Variants in SUPT3H observed in about 807,000 individuals in gnomAD.
SUPT3H encodes transcription initiation protein SPT3 homolog.
Under a neutral mutation model 44.3 loss-of-function variants are expected in SUPT3H, and 44 were observed. That is an observed-to-expected ratio of 0.99 (90% CI 0.78 to 1.28). The LOEUF (loss-of-function observed/expected upper bound fraction) is 1.28, where lower values mean the gene tolerates loss of function less well. SUPT3H is among the 50% of genes most tolerant of loss of function. SUPT3H has a pLI of 0.00. For missense variants in SUPT3H, 380 were observed against 387.1 expected, an observed-to-expected ratio of 0.98 and a Z score of 0.15; for synonymous variants, 124 against 125.6, an observed-to-expected ratio of 0.99 and a Z score of 0.09.
intron 2 of SUPT3H, among the ~76,000 whole-genome samples, chr6:45,158,298 A>ATATATATATATATATATATAATTT: frequency 1.0e-5 from 1 of 99,688 alleles, no homozygotes; most frequent in African/African-American, 5.0e-5. Context: ...ATATATATAT[A>ATATATATATATATATATATAATTT]TTTTTTTTTT....
intron 2 of SUPT3H, among the ~76,000 whole-genome samples, chr6:45,223,793 G>A (rs1766454362): frequency 6.6e-6 from 1 of 151,330 alleles, no homozygotes; most frequent in African/African-American, 2.4e-5. Context: ...GCAAATATAA[G>A]TATAATCAAA....
intron 6 of SUPT3H, among the ~76,000 whole-genome samples, chr6:44,970,324 T>C (rs1033474936): frequency 1.3e-5 from 2 of 152,172 alleles, no homozygotes; most frequent in Non-Finnish European, 2.9e-5. Flanking sequence ...ATAAAATGTG[T>C]GTTAAGAAAA....
intron 6 of SUPT3H, among the ~76,000 whole-genome samples, chr6:44,993,540 T>C (rs1214483945): frequency 6.6e-6 from 1 of 152,100 alleles, no homozygotes; most frequent in Non-Finnish European, 1.5e-5. Context: ...GCTATAGCTA[T>C]GGGTAAAATG....
At chr6:45,365,399 G>C in intron 1 of SUPT3H, 98 bp from the exon 2 acceptor site, 1 of 769,212 alleles carries the variant, frequency 1.3e-6, no homozygotes, top group Non-Finnish European at 2.1e-6. Context: ...AAAAAGTAGA[G>C]AAAATTTAAA....
chr6:45,098,789 T>C (rs1326668067), intron 3 of SUPT3H: 2 of 518,264 alleles, frequency 3.9e-6, no homozygotes, highest in African/African-American at 1.9e-5. Context: ...TGCAGATTGA[T>C]TACTGTTGTT....
intron 2 of SUPT3H, among the ~76,000 whole-genome samples, chr6:45,308,430 G>C (rs1335741654): frequency 6.6e-6 from 1 of 152,144 alleles, no homozygotes; most frequent in Admixed American, 6.5e-5. Flanking sequence ...GAAGAGAGTG[G>C]GGGCCAATAT....
chr6:45,001,194 G>A (rs184407651), intron 6 of SUPT3H, among the ~76,000 whole-genome samples: 16 of 152,178 alleles, frequency 1.1e-4, no homozygotes, highest in African/African-American at 3.8e-4. Context: ...TTAGGATGGA[G>A]GTGGGTGGGG....
intron 10 of SUPT3H, among the ~76,000 whole-genome samples, chr6:44,889,902 C>T (rs1335287781): frequency 6.6e-6 from 1 of 151,818 alleles, no homozygotes; most frequent in African/African-American, 2.4e-5. Context: ...CAATGAACTC[C>T]AACAAATTTA....
At chr6:44,811,871 T>C (rs942304036) in intron 11 of SUPT3H, among the ~76,000 whole-genome samples, 2 of 152,224 alleles carry the variant, frequency 1.3e-5, no homozygotes, top group East Asian at 3.9e-4. Context: ...TTTTTTTTTT[T>C]TTCTCTGATC....
At chr6:45,208,936 T>C (rs1763649978) in intron 2 of SUPT3H, among the ~76,000 whole-genome samples, 1 of 151,514 alleles carries the variant, frequency 6.6e-6, no homozygotes, top group South Asian at 2.1e-4. Context: ...TTGAAGCCAG[T>C]GTTCATTTAC....
chr6:45,072,515 T>C (rs1371397981), intron 3 of SUPT3H, among the ~76,000 whole-genome samples: 1 of 152,272 alleles, frequency 6.6e-6, no homozygotes, highest in East Asian at 1.9e-4. Flanking sequence ...AAACTAGACC[T>C]TGGCTTCAGA....
chr6:45,109,532 T>A (rs1038761930), intron 2 of SUPT3H, among the ~76,000 whole-genome samples: 1 of 3,096 alleles, frequency 3.2e-4, no homozygotes, highest in South Asian at 9.8e-3. Context: ...GAGCATACAC[T>A]GTAAAGTAAG....
intron 3 of SUPT3H, among the ~76,000 whole-genome samples, chr6:45,078,957 C>T (rs952433066): frequency 5.3e-5 from 8 of 152,154 alleles, no homozygotes; most frequent in African/African-American, 1.7e-4. Flanking sequence ...GACATTTGTG[C>T]TTTCTTGATC....
At chr6:44,872,625 C>G (rs1188851208) in intron 10 of SUPT3H, among the ~76,000 whole-genome samples, 1 of 146,060 alleles carries the variant, frequency 6.8e-6, no homozygotes, top group Non-Finnish European at 1.5e-5. Flanking sequence ...ATCATAATGA[C>G]AGGATCAAAT....
chr6:45,099,128 A>C, intron 3 of SUPT3H: 1 of 331,360 alleles, frequency 3.0e-6, no homozygotes, highest in Non-Finnish European at 6.0e-6. Flanking sequence ...CACACCCCCA[A>C]CCCCAGGATT....
At chr6:44,893,775 T>A (rs1304008056) in intron 10 of SUPT3H, among the ~76,000 whole-genome samples, 3 of 144,304 alleles carry the variant, frequency 2.1e-5, no homozygotes, top group East Asian at 4.2e-4. Context: ...TTTCTAGTTC[T>A]AGATCCCTGA....
intron 2 of SUPT3H, among the ~76,000 whole-genome samples, chr6:45,330,404 C>T (rs1440272662): frequency 6.6e-6 from 1 of 151,888 alleles, no homozygotes; most frequent in Non-Finnish European, 1.5e-5. Context: ...AGAGGGATAA[C>T]TTGAAACAGG....
At chr6:45,151,820 A>C (rs1214147407) in intron 2 of SUPT3H, among the ~76,000 whole-genome samples, 2 of 152,174 alleles carry the variant, frequency 1.3e-5, no homozygotes, top group Non-Finnish European at 2.9e-5. Context: ...CTTAGCATTA[A>C]AACAGTTCAG....
chr6:45,374,249 A>G (rs1364116952), intron 1 of SUPT3H, among the ~76,000 whole-genome samples: 1 of 152,238 alleles, frequency 6.6e-6, no homozygotes, highest in African/African-American at 2.4e-5. Context: ...ACCAACCCAC[A>G]TAACATCTCA....
Sources: gnomAD v4.1 joint callset for allele counts (sites outside exome capture counted in the v4.1 genomes callset) on GRCh38, gnomAD v4.1.1 for gene constraint, MANE v1.5 for transcripts, NCBI Gene and HGNC (gene_info 2026-07-23, HGNC 2026-07-21) for gene names.